The following SLC38A6 variants were observed in gnomAD, a reference collection of about 807,000 sequenced individuals.
SLC38A6 encodes the protein solute carrier family 38 member 6, also known as N system amino acid transporter NAT-1.
In SLC38A6, 73 loss-of-function variants were observed where a neutral mutation model predicts 65.0. That is an observed-to-expected ratio of 1.12 (90% CI 0.93 to 1.37). SLC38A6 has a LOEUF of 1.37. Among genes scored for constraint, SLC38A6 ranks in the 40% most tolerant of loss-of-function variants. SLC38A6 has a pLI of 0.00. For synonymous variants in SLC38A6, 183 were observed against 178.8 expected, an observed-to-expected ratio of 1.02 and a Z score of -0.19; for missense variants, 561 against 531.1, an observed-to-expected ratio of 1.06 and a Z score of -0.55.
At chr14:61,009,036 A>G (rs2039355702) in intron 3 of SLC38A6, among the ~76,000 whole-genome samples, 1 of 152,186 alleles carries the variant, frequency 6.6e-6, no homozygotes. Context: ...ACCTATTCTA[A>G]GAGGACTCTA....
At chr14:61,062,044 G>T (rs564393587) in intron 15 of SLC38A6, among the ~76,000 whole-genome samples, 1 of 152,150 alleles carries the variant, frequency 6.6e-6, no homozygotes, top group African/African-American at 2.4e-5. Flanking sequence ...TTACCATGTT[G>T]GCCAGGCTGG....
At chr14:61,009,778 T>C (rs1371558492) in intron 3 of SLC38A6, among the ~76,000 whole-genome samples, 1 of 152,252 alleles carries the variant, frequency 6.6e-6, no homozygotes, top group Non-Finnish European at 1.5e-5. Flanking sequence ...ATCCAGTCTA[T>C]CATTGTTGGA....
exon 16 of SLC38A6, chr14:61,078,836 G>T (rs965505258): frequency 9.4e-6 from 2 of 212,420 alleles, no homozygotes; most frequent in East Asian, 1.6e-4. Flanking sequence ...ACAGGTTGGC[G>T]TGCAGTGGTG....
chr14:61,076,443 C>T (rs758208373), intron 15 of SLC38A6, among the ~76,000 whole-genome samples: 1 of 152,092 alleles, frequency 6.6e-6, no homozygotes, highest in Non-Finnish European at 1.5e-5. Flanking sequence ...AGTTATATTC[C>T]CCATTTAATA....
intron 13 of SLC38A6, 105 bp downstream of exon 13, chr14:61,050,741 A>G: frequency 5.7e-6 from 6 of 1,060,866 alleles, no homozygotes; most frequent in South Asian, 3.7e-5. Flanking sequence ...AGTCTTGTAT[A>G]TCTTATTCAC....
At chr14:61,048,972 C>G (rs942244657) in intron 12 of SLC38A6, among the ~76,000 whole-genome samples, 1 of 152,170 alleles carries the variant, frequency 6.6e-6, no homozygotes, top group Non-Finnish European at 1.5e-5. Flanking sequence ...CCTGGCTCTT[C>G]TTAGTCTCCT....
chr14:61,009,485 C>T (rs1566642579), intron 3 of SLC38A6, among the ~76,000 whole-genome samples: 1 of 152,128 alleles, frequency 6.6e-6, no homozygotes, highest in Non-Finnish European at 1.5e-5. Context: ...GTGCCGCACC[C>T]ATTAACTCAT....
rs1198882240 is a variant in SLC38A6, at chr14:61,046,185, T to A, written c.925+18T>A. 1.4e-6 allele frequency: 2 copies of A among 1,479,890 alleles called. No homozygotes were observed. The highest frequency in any genetic ancestry group is 2.8e-5 in the African/African-American group (2 of 71,798). The allele number at this position is 1,479,890 out of a possible 1,614,324, so 91.7% of individuals were successfully genotyped here. A position where few individuals can be genotyped will look rare whatever the true frequency, so the allele number is the denominator to read the frequency against. ...TTTTTATGGTAAGTACATTTTAAAA[T>A]TATAGATGACAAAATAATAGTTACA... On this transcript the variant is annotated intron_variant, in intron 12 of 15. Transcript: ENST00000267488.
intron 8 of SLC38A6, among the ~76,000 whole-genome samples, chr14:61,041,078 G>T (rs2139765283): frequency 6.6e-6 from 1 of 152,338 alleles, no homozygotes; most frequent in East Asian, 1.9e-4. Context: ...AGCCACAAAA[G>T]AAGCAAAGGG....
chr14:61,045,325 T>G, intron 10 of SLC38A6, 21 bp from the exon 11 acceptor site: 1 of 1,555,234 alleles, frequency 6.4e-7, no homozygotes, highest in Non-Finnish European at 8.8e-7. Flanking sequence ...AATAATTTTG[T>G]CTCTTTAAAA....
intron 8 of SLC38A6, among the ~76,000 whole-genome samples, chr14:61,040,571 C>G (rs983768090): frequency 2.6e-5 from 4 of 152,082 alleles, no homozygotes; most frequent in Non-Finnish European, 5.9e-5. Context: ...GATCTCCAGA[C>G]CTCATGATCC....
rs374995581 is a variant in SLC38A6, at chr14:61,022,696, T to G, written c.403+3116T>G. Among the ~76,000 whole-genome samples the G allele has an allele frequency of 3.3e-5, 5 of 152,238 alleles. No individual in the cohort carries two copies. The East Asian group carries it at 5.8e-4, about 18-fold the overall frequency. ...TTTTTTAAAAGAATGTTTGTTAGTA[T>G]AAATTATCTGACTTTTGCAGTGGTT... On this transcript the variant is annotated intron_variant, in intron 5 of 15. Coordinates refer to ENST00000267488, the MANE Select transcript of SLC38A6 (RefSeq NM_153811.3).
intron 3 of SLC38A6, among the ~76,000 whole-genome samples, chr14:61,008,023 C>A (rs1288766530): frequency 6.6e-6 from 1 of 151,984 alleles, no homozygotes; most frequent in Non-Finnish European, 1.5e-5. Flanking sequence ...AGTTTTGTAA[C>A]TTAATTTTAT....
At chr14:61,076,462 A>G (rs1188115988) in intron 15 of SLC38A6, among the ~76,000 whole-genome samples, 1 of 152,202 alleles carries the variant, frequency 6.6e-6, no homozygotes, top group Non-Finnish European at 1.5e-5. Flanking sequence ...TAGATTAGAA[A>G]TTAAAGTTTA....
chr14:61,071,204 A>AT (rs2043214870), intron 15 of SLC38A6, among the ~76,000 whole-genome samples: 1 of 152,114 alleles, frequency 6.6e-6, no homozygotes, highest in Non-Finnish European at 1.5e-5. Flanking sequence ...ATATTGAGGG[A>AT]TTTTTTATTT....
intron 7 of SLC38A6, 74 bp from the exon 8 acceptor site, chr14:61,037,551 A>C (rs141896393): frequency 2.9e-6 from 3 of 1,027,478 alleles, no homozygotes; most frequent in African/African-American, 3.2e-5. Context: ...AACATGCCTA[A>C]GATGTATAGC....
chr14:60,996,324 C>A (rs1014058589), intron 3 of SLC38A6, among the ~76,000 whole-genome samples: 1 of 152,060 alleles, frequency 6.6e-6, no homozygotes, highest in East Asian at 1.9e-4. Flanking sequence ...ATCCTGCATT[C>A]TTGAAACAAA....
intron 3 of SLC38A6, among the ~76,000 whole-genome samples, chr14:61,003,692 G>A (rs905382145): frequency 6.6e-6 from 1 of 152,170 alleles, no homozygotes; most frequent in African/African-American, 2.4e-5. Flanking sequence ...TAAAAAGTGA[G>A]TATGTGGAGA....
intron 3 of SLC38A6, among the ~76,000 whole-genome samples, chr14:61,012,051 C>G (rs996972014): frequency 6.6e-6 from 1 of 152,172 alleles, no homozygotes; most frequent in African/African-American, 2.4e-5. Flanking sequence ...ATTATTGCCT[C>G]AATTTCAGAG....
Sources: allele counts gnomAD v4.1 joint callset (sites outside exome capture counted in the v4.1 genomes callset), GRCh38; gene constraint gnomAD v4.1.1; transcripts MANE v1.5; gene names NCBI Gene and HGNC (gene_info 2026-07-23, HGNC 2026-07-21).